The following SLC5A1 variants were observed in gnomAD, a reference collection of about 807,000 sequenced individuals.
The protein encoded by SLC5A1 is sodium/glucose cotransporter 1.
A neutral mutation model predicts 73.5 loss-of-function variants in SLC5A1; 42 were observed. That is an observed-to-expected ratio of 0.57 (90% CI 0.45 to 0.74). The LOEUF (loss-of-function observed/expected upper bound fraction) is 0.74, where lower values mean the gene tolerates loss of function less well. SLC5A1 is among the 30% of genes least tolerant of loss of function. The pLI is 0.00. For synonymous variants in SLC5A1, 300 were observed against 317.4 expected (o/e 0.95, Z 0.58); for missense variants, 634 against 855.4 (o/e 0.74, Z 3.23).
intron 14 of SLC5A1, 21 bp downstream of exon 14, chr22:32,104,912 G>C (rs1308495816): frequency 6.5e-7 from 1 of 1,531,108 alleles, no homozygotes; most frequent in Admixed American, 1.7e-5. Context: ...ACCCAGAGCA[G>C]ATCCTAAACC....
chr22:32,082,181 G>A (rs556595874), intron 6 of SLC5A1, among the ~76,000 whole-genome samples: 1 of 152,312 alleles, frequency 6.6e-6, no homozygotes, highest in East Asian at 1.9e-4. Context: ...GGCTGGGATA[G>A]TCAGGGCAGC....
intron 2 of SLC5A1, among the ~76,000 whole-genome samples, chr22:32,065,519 A>G (rs1030874458): frequency 6.6e-6 from 1 of 152,144 alleles, no homozygotes; most frequent in Non-Finnish European, 1.5e-5. Context: ...TATTCTCTTC[A>G]TAGCACTTAC....
rs761877310 is a variant in SLC5A1, at chr22:32,043,425, CGGGTTCTGGGATGCGGGTGGGGA to C, written c.135+14_135+36del. 6.2e-7 allele frequency: 1 copy of C among 1,613,448 alleles called. No homozygotes were observed. The highest frequency in any genetic ancestry group is 1.1e-5 in the South Asian group (1 of 90,926). ...TGGCCGTCGGACTGTGGGTATGCAG[CGGGTTCTGGGATGCGGGTGGGGA>C]GGGTGCGCACAGAGGAGGAGCAATG... On this transcript the variant is annotated intron_variant, in intron 1 of 14. Transcript: ENST00000266088. This position sits in a 1 kb window ranked among gnomAD's most constrained non-coding sequence, Gnocchi z 6.5.
Position 32,110,745 on chromosome 22 carries a change from G to C in SLC5A1, c.*532G>C, listed in dbSNP as rs1345942460. On this transcript the variant is annotated 3_prime_UTR_variant, in exon 15 of 15. Transcript: ENST00000266088. The stretch of plus-strand genomic sequence containing the variant: ...GAGGAATGCATGGAAGCTGAGGATG[G>C]AGCTTGATGGGCTCCCTGTCCTGGG... 1 of 188,572 alleles carries C rather than the reference G, an allele frequency of 5.3e-6. No homozygotes were observed. The highest frequency in any genetic ancestry group is 2.4e-5 in the African/African-American group (1 of 42,298). The allele number at this position is 188,572 out of a possible 1,614,324, so 11.7% of individuals were successfully genotyped here.
chr22:32,047,415 A>T (rs979781637), intron 1 of SLC5A1, among the ~76,000 whole-genome samples: 1 of 147,806 alleles, frequency 6.8e-6, no homozygotes, highest in Admixed American at 6.7e-5. Context: ...AGTGACCTTC[A>T]GAATGGCTTT....
At chr22:32,059,206 G>A (rs752832133) in intron 2 of SLC5A1, 20 of 985,282 alleles carry the variant, frequency 2.0e-5, no homozygotes, top group Non-Finnish European at 2.4e-5. Context: ...ACTCCTGCCT[G>A]GGCGACAGAA....
chr22:32,097,789 T>C (rs2094028722), intron 11 of SLC5A1, among the ~76,000 whole-genome samples: 1 of 152,236 alleles, frequency 6.6e-6, no homozygotes, highest in Admixed American at 6.5e-5. Context: ...ATTCTTTTTT[T>C]ATCGGAATTT....
At chr22:32,059,519 A>G (rs2093957082) in intron 2 of SLC5A1, among the ~76,000 whole-genome samples, 1 of 152,208 alleles carries the variant, frequency 6.6e-6, no homozygotes, top group Non-Finnish European at 1.5e-5. Context: ...CACAGAGCAC[A>G]TCTTGGAAAT....
chr22:32,066,753 C>T (rs190802599), intron 2 of SLC5A1, among the ~76,000 whole-genome samples, 182 bp from the exon 3 acceptor site: 2 of 152,334 alleles, frequency 1.3e-5, no homozygotes, highest in East Asian at 3.9e-4. Context: ...TTACTGTTTT[C>T]CAAGTTTCCA....
rs1256363354 is a variant in SLC5A1 at position 32,043,786 on chromosome 22, G to A, written c.135+370G>A. On this transcript the variant is annotated intron_variant, in intron 1 of 14. Transcript: ENST00000266088. This position sits in a 1 kb window ranked among gnomAD's most constrained non-coding sequence, Gnocchi z 6.5. ...GATGAGCCTCTAGCAGGTGACTACTGTCCTACCTTTTAGTCATCCAGTTTC... is the reference window on the plus strand; with the variant it reads ...GATGAGCCTCTAGCAGGTGACTACTATCCTACCTTTTAGTCATCCAGTTTC... Among the ~76,000 whole-genome samples, 1 of 152,170 alleles carries A rather than the reference G, an allele frequency of 6.6e-6. No individual in the cohort carries two copies. Among genetic ancestry groups the A allele is most frequent in the Non-Finnish European group, 1.5e-5 (1 of 68,022 alleles).
chr22:32,081,745 C>G lies in SLC5A1; in HGVS notation c.478-121C>G, dbSNP rs545664806. ...TTTTTGACCATGGAATTCTTTTTCT[C>G]ATGGAATACGTATTATCATCTTGAA... is the stretch of plus-strand genomic sequence containing the variant. On this transcript the variant is annotated intron_variant, in intron 5 of 14. Transcript: ENST00000266088. 16 of 754,598 alleles carry G rather than the reference C, an allele frequency of 2.1e-5. No individual in the cohort carries two copies. In the East Asian group the frequency reaches 3.9e-4, roughly 18 times the overall value. The allele number at this position is 754,598 out of a possible 1,614,324, so 46.7% of individuals were successfully genotyped here.
At chr22:32,091,985 G>A (rs765403494) in intron 11 of SLC5A1, among the ~76,000 whole-genome samples, 2 of 151,746 alleles carry the variant, frequency 1.3e-5, no homozygotes, top group Admixed American at 6.6e-5. Flanking sequence ...GAAACAGGTC[G>A]TATTTGGTTA....
rs199687496 is a variant in SLC5A1 at position 32,110,409 on chromosome 22, T to A, written c.*196T>A. On this transcript the variant is annotated 3_prime_UTR_variant, in exon 15 of 15. Coordinates refer to ENST00000266088, the MANE Select transcript of SLC5A1 (RefSeq NM_000343.4). ...ATTTATGCATTTGAAGCCAGTGTGA[T>A]ACAGCCATCTGTACCTACTGGAGCT... The A allele has an allele frequency of 6.3e-6, 4 of 636,312 alleles. No individual in the cohort carries two copies. The highest frequency in any genetic ancestry group is 2.2e-5 in the Admixed American group (1 of 46,026). The allele number at this position is 636,312 out of a possible 1,614,324, so 39.4% of individuals were successfully genotyped here. A position where few individuals can be genotyped will look rare whatever the true frequency, so the allele number is the denominator to read the frequency against.
chr22:32,095,081 C>G (rs1237637435), intron 11 of SLC5A1, among the ~76,000 whole-genome samples: 1 of 152,120 alleles, frequency 6.6e-6, no homozygotes, highest in African/African-American at 2.4e-5. Context: ...AAATTTCCAT[C>G]TTGATTTCAT....
rs576928341 is a variant in SLC5A1, at chr22:32,093,652, G to A, written c.1280+1890G>A. On this transcript the variant is annotated intron_variant, in intron 11 of 14. Coordinates refer to ENST00000266088, the MANE Select transcript of SLC5A1 (RefSeq NM_000343.4). ...TGATTTGATTCTCAGCTTGGTCACTGTTGATGTAGCAGAGCTACTGATTTG... is the reference window on the plus strand; with the variant it reads ...TGATTTGATTCTCAGCTTGGTCACTATTGATGTAGCAGAGCTACTGATTTG... 2.6e-5 allele frequency among the ~76,000 whole-genome samples: 4 copies of A among 151,678 alleles called. No homozygotes were observed. The South Asian group carries it at 8.3e-4, about 32-fold the overall frequency.
At chr22:32,074,169 T>C (rs2093987156) in intron 5 of SLC5A1, among the ~76,000 whole-genome samples, 1 of 152,168 alleles carries the variant, frequency 6.6e-6, no homozygotes, top group Non-Finnish European at 1.5e-5. Flanking sequence ...TGAAAGTCTG[T>C]GGACTGCAGT....
intron 2 of SLC5A1, among the ~76,000 whole-genome samples, chr22:32,062,451 T>A (rs971737973): frequency 6.6e-6 from 1 of 152,242 alleles, no homozygotes; most frequent in African/African-American, 2.4e-5. Flanking sequence ...CTCTCAGACC[T>A]GTTGGGTTTG....
chr22:32,081,209 ATCAAGAAT>A (rs1197232301), intron 5 of SLC5A1, among the ~76,000 whole-genome samples: 1 of 152,160 alleles, frequency 6.6e-6, no homozygotes, highest in Non-Finnish European at 1.5e-5. Flanking sequence ...GAAGAACTGC[ATCAAGAAT>A]TCAGGAGTGA....
chr22:32,067,136 AC>A, intron 3 of SLC5A1, 97 bp downstream of exon 3: 2 of 1,016,380 alleles, frequency 2.0e-6, no homozygotes, highest in Non-Finnish European at 3.0e-6. Flanking sequence ...ATGTTAGGGA[AC>A]CCTTCAGGGT....
Sources: gnomAD v4.1 joint callset for allele counts (sites outside exome capture counted in the v4.1 genomes callset) on GRCh38, gnomAD v4.1.1 for gene constraint, Gnocchi (gnomAD v3.1) non-coding constraint, MANE v1.5 for transcripts, NCBI Gene and HGNC (gene_info 2026-07-23, HGNC 2026-07-21) for gene names.